CCDC102B: variants seen among roughly 807,000 people sequenced by gnomAD.
The protein encoded by CCDC102B is coiled-coil domain-containing protein 102B.
Under a neutral mutation model 57.4 loss-of-function variants are expected in CCDC102B, and 75 were observed. The ratio of observed to expected loss-of-function variants is 1.31; its 90% CI spans 1.08 to 1.58. CCDC102B has a LOEUF of 1.58. Ranked by LOEUF, CCDC102B falls within the 40% of genes most tolerant of loss-of-function variation. The probability of loss-of-function intolerance (pLI) is 0.00; values close to 1 mark genes in which losing one functional copy is unlikely to be tolerated. For synonymous variants in CCDC102B, 206 were observed against 201.9 expected, an observed-to-expected ratio of 1.02 and a Z score of -0.17; for missense variants, 636 against 582.6, an observed-to-expected ratio of 1.09 and a Z score of -0.94.
chr18:68,787,664 C>T (rs372330664), intron 2 of CCDC102B, among the ~76,000 whole-genome samples: 6 of 147,296 alleles, frequency 4.1e-5, no homozygotes, highest in African/African-American at 7.5e-5. Flanking sequence ...TCTGTGGGAT[C>T]GGTGGTGATA....
chr18:68,848,384 T>C (rs1302391755), intron 4 of CCDC102B, among the ~76,000 whole-genome samples: 1 of 151,986 alleles, frequency 6.6e-6, no homozygotes, highest in African/African-American at 2.4e-5. Context: ...ATGCCTAAAA[T>C]GTTAAAAGCA....
chr18:68,759,587 C>CT (rs1261590941), intron 2 of CCDC102B, among the ~76,000 whole-genome samples: 1 of 151,986 alleles, frequency 6.6e-6, no homozygotes, highest in Non-Finnish European at 1.5e-5. Flanking sequence ...GGAGATGATG[C>CT]TAAGTATAGA....
intron 2 of CCDC102B, among the ~76,000 whole-genome samples, chr18:68,790,492 CG>C (rs2035410075): frequency 2.0e-5 from 3 of 152,012 alleles, no homozygotes; most frequent in Non-Finnish European, 4.4e-5. Context: ...ACTCCGAGGG[CG>C]TAGGACCCTC....
chr18:68,909,091 TAA>T (rs539988743), intron 6 of CCDC102B, among the ~76,000 whole-genome samples: 7 of 78,912 alleles, frequency 8.9e-5, no homozygotes, highest in Non-Finnish European at 9.1e-5. Context: ...TTGGCATGGT[TAA>T]AAAAAAAAAA....
intron 4 of CCDC102B, among the ~76,000 whole-genome samples, chr18:68,846,767 AT>A (rs1198995061): frequency 6.6e-6 from 1 of 151,818 alleles, no homozygotes; most frequent in Non-Finnish European, 1.5e-5. Flanking sequence ...ATTAATACCC[AT>A]TCTAGGCACA....
intron 6 of CCDC102B, among the ~76,000 whole-genome samples, chr18:68,993,645 A>G (rs1038360354): frequency 1.3e-5 from 2 of 152,214 alleles, no homozygotes; most frequent in African/African-American, 4.8e-5. Flanking sequence ...AGATGTATGT[A>G]TATTGATAAA....
chr18:68,951,139 G>A (rs1346322260), intron 6 of CCDC102B, among the ~76,000 whole-genome samples: 3 of 152,086 alleles, frequency 2.0e-5, no homozygotes, highest in Non-Finnish European at 2.9e-5. Context: ...CTCTTACTGA[G>A]CCTGGAGTAG....
At chr18:68,944,137 T>G (rs1218506799) in intron 6 of CCDC102B, among the ~76,000 whole-genome samples, 1 of 152,042 alleles carries the variant, frequency 6.6e-6, no homozygotes, top group Non-Finnish European at 1.5e-5. Context: ...GTTAACTCCT[T>G]GAGGAAGGGG....
chr18:68,868,891 T>C lies in CCDC102B; in HGVS notation c.937-5778T>C, dbSNP rs564790331. ...TGTTATAGTAATCTAGGTAGAAATA[T>C]TCCACGTGTCCTGAGCTTGATGATG... On this transcript the variant is annotated intron_variant, in intron 4 of 7. Transcript: ENST00000360242. Among the ~76,000 whole-genome samples the C allele has an allele frequency of 9.9e-5, 15 of 152,256 alleles. No individual in the cohort carries two copies. In the South Asian group the frequency reaches 2.9e-3, roughly 29 times the overall value.
At position 68,867,668 on chromosome 18, in the gene CCDC102B, C is replaced by T. The variant is rs561597147; in HGVS notation, c.937-7001C>T. 2.6e-5 allele frequency among the ~76,000 whole-genome samples: 4 copies of T among 152,272 alleles called. No individual in the cohort carries two copies. In the South Asian group the frequency reaches 8.3e-4, roughly 32 times the overall value. On this transcript the variant is annotated intron_variant, in intron 4 of 7. Coordinates refer to ENST00000360242, the MANE Select transcript of CCDC102B (RefSeq NM_024781.3). ...AGGGCTAGCTGGCCGGGCGCAGTGG[C>T]TCACGCCTGTAATCCCAGCACTTTG...
intron 6 of CCDC102B, among the ~76,000 whole-genome samples, chr18:68,966,521 G>T (rs2050169468): frequency 1.3e-5 from 2 of 152,096 alleles, no homozygotes; most frequent in Non-Finnish European, 2.9e-5. Context: ...CCTGGAGTGA[G>T]ATTTTGTATT....
intron 6 of CCDC102B, among the ~76,000 whole-genome samples, chr18:68,983,485 T>A (rs1219884218): frequency 6.6e-6 from 1 of 152,002 alleles, no homozygotes; most frequent in Non-Finnish European, 1.5e-5. Flanking sequence ...CTATATGAAG[T>A]CAAGTAAATG....
intron 7 of CCDC102B, among the ~76,000 whole-genome samples, chr18:69,027,175 C>T (rs143014527): frequency 6.6e-6 from 1 of 152,142 alleles, no homozygotes; most frequent in Admixed American, 6.5e-5. Flanking sequence ...CAGATGTCAA[C>T]CTGGGCTCAC....
At chr18:68,765,351 A>AAG (rs1468397423) in intron 2 of CCDC102B, among the ~76,000 whole-genome samples, 2 of 145,794 alleles carry the variant, frequency 1.4e-5, no homozygotes, top group Non-Finnish European at 3.0e-5. Flanking sequence ...GAAAGAAAGA[A>AAG]AGAAAGAAAG....
chr18:68,779,443 T>C (rs2034932099), intron 2 of CCDC102B, among the ~76,000 whole-genome samples: 1 of 152,142 alleles, frequency 6.6e-6, no homozygotes, highest in Admixed American at 6.6e-5. Context: ...CTTAAGGCAA[T>C]TGAAAAGTAT....
At chr18:68,889,462 C>T (rs1311210270) in intron 5 of CCDC102B, among the ~76,000 whole-genome samples, 3 of 152,106 alleles carry the variant, frequency 2.0e-5, no homozygotes, top group Non-Finnish European at 2.9e-5. Flanking sequence ...TCTTGTTGTC[C>T]AGGCTGGAGT....
In CCDC102B at chr18:69,041,870, G is replaced by A. The variant is rs1009666050; in HGVS notation, c.1435-12160G>A. ...TGTTATTCAGCCCTTTCCAAACCAGGTGGTCAGTTTCTGTTACATCATTGT... is the reference window on the plus strand; with the variant it reads ...TGTTATTCAGCCCTTTCCAAACCAGATGGTCAGTTTCTGTTACATCATTGT... On this transcript the variant is annotated intron_variant, in intron 7 of 7. Coordinates refer to ENST00000360242, the MANE Select transcript of CCDC102B (RefSeq NM_024781.3). Among the ~76,000 whole-genome samples the A allele has an allele frequency of 3.3e-5, 5 of 152,088 alleles. No homozygotes were observed. The South Asian group carries it at 8.3e-4, about 25-fold the overall frequency.
At chr18:68,852,925 C>A (rs1458262692) in intron 4 of CCDC102B, among the ~76,000 whole-genome samples, 1 of 152,134 alleles carries the variant, frequency 6.6e-6, no homozygotes, top group Non-Finnish European at 1.5e-5. Context: ...CTTACCCAGG[C>A]CTCTAACAGG....
intron 5 of CCDC102B, among the ~76,000 whole-genome samples, chr18:68,883,665 C>A (rs1332980726): frequency 6.6e-6 from 1 of 152,128 alleles, no homozygotes; most frequent in Non-Finnish European, 1.5e-5. Flanking sequence ...AACTGAGGGA[C>A]TAATTACTGT....
Sources: allele counts gnomAD v4.1 joint callset (sites outside exome capture counted in the v4.1 genomes callset), GRCh38; gene constraint gnomAD v4.1.1; transcripts MANE v1.5; gene names NCBI Gene and HGNC (gene_info 2026-07-23, HGNC 2026-07-21).